SFMBT2: variants seen among roughly 807,000 people sequenced by gnomAD.
SFMBT2 encodes the protein Scm like with four mbt domains 2.
SFMBT2 carries 38 observed loss-of-function variants against 110.1 expected under a neutral mutation model. The ratio of observed to expected loss-of-function variants is 0.35; its 90% CI spans 0.27 to 0.45. The LOEUF is 0.45. Among genes scored for constraint, SFMBT2 ranks in the 20% least tolerant of loss-of-function variants. The pLI, the probability that SFMBT2 is intolerant of heterozygous loss-of-function variation, is 1.00. For synonymous variants in SFMBT2, 425 were observed against 425.4 expected, an observed-to-expected ratio of 1.00 and a Z score of 0.01; for missense variants, 1,011 against 1,094.9, an observed-to-expected ratio of 0.92 and a Z score of 1.08.
At chr10:7,346,988 T>TCAAAACAAAACAAAACAAAACAAAA (rs71515471) in intron 4 of SFMBT2, among the ~76,000 whole-genome samples, 6 of 150,374 alleles carry the variant, frequency 4.0e-5, no homozygotes, top group African/African-American at 1.5e-4. Context: ...AGACTCTGTC[T>TCAAAACAAAACAAAACAAAACAAAA]CAAAACAAAA....
Position 7,367,730 on chromosome 10 carries a change from A to G in SFMBT2, c.355T>C (p.Phe119Leu). ...TCCGCGATGACTACGTCACACCAGA[A>G]GTCGGCCCTGCGGTCCTCCCCGTAA... ...CGYGEDRRAD[F>L]WCDVVIADLH... Residue 119 changes from phenylalanine (F) to leucine (L), a missense_variant, in exon 4 of 21, where the codon TTC (phenylalanine) becomes CTC (leucine). By Grantham distance (22) the Phe-to-Leu change is conservative. Around this residue, in one of 2 missense-constraint regions of SFMBT2, gnomAD observed 979 missense variants for 1,016.1 expected, o/e 0.96. Transcript: ENST00000397167. The surrounding 1 kb of genome is among the most constrained non-coding windows in gnomAD (Gnocchi z 6.2). 1 of 1,614,080 alleles carries G rather than the reference A, an allele frequency of 6.2e-7. No homozygotes were observed. Among genetic ancestry groups the G allele is most frequent in the Non-Finnish European group, 8.5e-7 (1 of 1,180,034 alleles).
chr10:7,258,865 C>T (rs1841114353), intron 7 of SFMBT2, among the ~76,000 whole-genome samples: 1 of 152,054 alleles, frequency 6.6e-6, no homozygotes, highest in Non-Finnish European at 1.5e-5. Context: ...TTCAATTTAG[C>T]CAGTGAAGTA....
At chr10:7,260,509 C>G (rs1457612832) in intron 7 of SFMBT2, among the ~76,000 whole-genome samples, 2 of 152,310 alleles carry the variant, frequency 1.3e-5, no homozygotes, top group African/African-American at 4.8e-5. Context: ...CAGAGCAAGG[C>G]CCCCTCTTCC....
chr10:7,159,375 T>C lies in SFMBT2; in HGVS notation c.*4395A>G, dbSNP rs1377718280. The C allele has an allele frequency of 6.6e-6, 1 of 152,226 alleles. No individual in the cohort carries two copies. The highest frequency in any genetic ancestry group is 2.4e-5 in the African/African-American group (1 of 41,458). 9.4% of individuals were successfully genotyped at this position (152,226 alleles called of 1,614,324 possible). A position where few individuals can be genotyped will look rare whatever the true frequency, so the allele number is the denominator to read the frequency against. On this transcript the variant is annotated 3_prime_UTR_variant, in exon 21 of 21. Coordinates refer to ENST00000397167, the MANE Select transcript of SFMBT2 (RefSeq NM_001387889.1). ...ATTTTATCATAGTATGTTTGGGGTATCTGCAAACCATTCTAGTGATAGAGC... is the reference window on the plus strand; with the variant it reads ...ATTTTATCATAGTATGTTTGGGGTACCTGCAAACCATTCTAGTGATAGAGC...
At chr10:7,215,812 C>T in intron 11 of SFMBT2, 1 of 819,998 alleles carries the variant, frequency 1.2e-6, no homozygotes, top group Non-Finnish European at 1.5e-6. Flanking sequence ...GGGATGGCTC[C>T]CCGTGCATCG....
At chr10:7,193,883 T>C (rs1427240025) in intron 15 of SFMBT2, among the ~76,000 whole-genome samples, 4 of 152,208 alleles carry the variant, frequency 2.6e-5, no homozygotes, top group Admixed American at 2.6e-4. Context: ...TGATATGACA[T>C]AGATCATGGT....
intron 9 of SFMBT2, among the ~76,000 whole-genome samples, chr10:7,229,152 T>C (rs1840035234): frequency 6.6e-6 from 1 of 152,156 alleles, no homozygotes; most frequent in South Asian, 2.1e-4. Context: ...AGAGATTTCT[T>C]ATGTTTTTTT....
chr10:7,228,729 TTCTTTCCTTTCTCTCTCTCTCTCTCTCTC>T, intron 9 of SFMBT2, among the ~76,000 whole-genome samples: 1 of 90,480 alleles, frequency 1.1e-5, no homozygotes, highest in African/African-American at 5.3e-5. Flanking sequence ...CTTTCTTTCT[TTCTTTCCTTTCTCTCTCTCTCTCTCTCTC>T]TCTCTCTCTC....
At chr10:7,308,396 A>G (rs1479301115) in intron 4 of SFMBT2, among the ~76,000 whole-genome samples, 1 of 152,106 alleles carries the variant, frequency 6.6e-6, no homozygotes, top group Non-Finnish European at 1.5e-5. Flanking sequence ...TTTAGCACCT[A>G]TTAAAAGGCA....
intron 11 of SFMBT2, chr10:7,207,711 G>T: frequency 1.6e-6 from 1 of 610,030 alleles, no homozygotes; most frequent in Non-Finnish European, 2.1e-6. Flanking sequence ...TCCTAAATCT[G>T]GTGCGAGCTC....
chr10:7,217,392 A>G (rs1839575391), intron 11 of SFMBT2, among the ~76,000 whole-genome samples: 1 of 152,198 alleles, frequency 6.6e-6, no homozygotes, highest in African/African-American at 2.4e-5. Context: ...TCTCAATGAA[A>G]CCACCCAAAA....
At chr10:7,206,744 C>T in intron 11 of SFMBT2, 1 of 717,906 alleles carries the variant, frequency 1.4e-6, no homozygotes, top group Non-Finnish European at 1.7e-6. Flanking sequence ...TTTCAAGGAG[C>T]TCTGGCTATG....
chr10:7,178,818 C>A (rs1838153895), intron 16 of SFMBT2, among the ~76,000 whole-genome samples: 1 of 152,184 alleles, frequency 6.6e-6, no homozygotes, highest in Admixed American at 6.5e-5. Flanking sequence ...TAATGCCTGG[C>A]TGAAAACACA....
At chr10:7,262,354 G>A (rs1841234628) in intron 7 of SFMBT2, among the ~76,000 whole-genome samples, 1 of 151,786 alleles carries the variant, frequency 6.6e-6, no homozygotes, top group African/African-American at 2.4e-5. Flanking sequence ...TTTATTAATA[G>A]AGAATGGAAT....
chr10:7,215,411 A>T (rs1839501251), intron 11 of SFMBT2: 1 of 446,550 alleles, frequency 2.2e-6, no homozygotes, highest in South Asian at 9.4e-5. Context: ...AAAACAAAAC[A>T]AAAATATACA....
At chr10:7,197,440 T>G in intron 15 of SFMBT2, 108 bp downstream of exon 15, 1 of 1,448,710 alleles carries the variant, frequency 6.9e-7, no homozygotes, top group East Asian at 2.3e-5. Flanking sequence ...TCTCGGTAAA[T>G]GCCAGCTGAA....
At chr10:7,382,764 T>C (rs1386643773) in intron 1 of SFMBT2, among the ~76,000 whole-genome samples, 1 of 152,200 alleles carries the variant, frequency 6.6e-6, no homozygotes, top group African/African-American at 2.4e-5. Flanking sequence ...TGTTTGTCAA[T>C]AATGTGCTTT....
chr10:7,320,350 G>A (rs1004982590), intron 4 of SFMBT2, among the ~76,000 whole-genome samples: 8 of 152,084 alleles, frequency 5.3e-5, no homozygotes, highest in African/African-American at 1.4e-4. Context: ...ATCTTGCCCC[G>A]CGGTATAAAT....
At chr10:7,376,101 A>G (rs938144348) in intron 2 of SFMBT2, among the ~76,000 whole-genome samples, 1 of 152,198 alleles carries the variant, frequency 6.6e-6, no homozygotes, top group Non-Finnish European at 1.5e-5. Context: ...TCACGTCGCA[A>G]GCCTGTAAAA....
Sources: gnomAD v4.1 joint callset for allele counts (sites outside exome capture counted in the v4.1 genomes callset) on GRCh38, gnomAD v4.1.1 for gene constraint, gnomAD v4.1.1 regional missense constraint, Gnocchi (gnomAD v3.1) non-coding constraint, MANE v1.5 for transcripts, NCBI Gene and HGNC (gene_info 2026-07-23, HGNC 2026-07-21) for gene names.